The following CSMD1 variants were observed in gnomAD, a reference collection of about 807,000 sequenced individuals.
CSMD1 encodes the protein CUB and sushi domain-containing protein 1.
A neutral mutation model predicts 417.5 loss-of-function variants in CSMD1; 213 were observed. The ratio of observed to expected loss-of-function variants is 0.51; its 90% CI spans 0.46 to 0.57. The LOEUF (loss-of-function observed/expected upper bound fraction) is 0.57. Ranked by LOEUF, CSMD1 falls within the 20% of genes least tolerant of loss-of-function variation. The probability of loss-of-function intolerance (pLI) is 0.00; values close to 1 mark genes in which losing one functional copy is unlikely to be tolerated. For missense variants in CSMD1, 6,923 were observed against 4,529.7 expected (o/e 1.53, Z -15.17); for synonymous variants, 2,862 against 1,736.8 (o/e 1.65, Z -16.11).
chr8:4,831,197 C>T (rs551473404), intron 1 of CSMD1, among the ~76,000 whole-genome samples: 1 of 152,246 alleles, frequency 6.6e-6, no homozygotes, highest in East Asian at 1.9e-4. Context: ...CAACTATTGG[C>T]AGATGTCCTT....
chr8:3,523,234 A>G (rs1456817475), intron 10 of CSMD1, among the ~76,000 whole-genome samples: 1 of 152,236 alleles, frequency 6.6e-6, no homozygotes, highest in Non-Finnish European at 1.5e-5. Flanking sequence ...GATCATAGTA[A>G]GACCTAAAGC....
chr8:3,811,852 T>G (rs1168500771), intron 5 of CSMD1, among the ~76,000 whole-genome samples: 1 of 152,190 alleles, frequency 6.6e-6, no homozygotes, highest in Non-Finnish European at 1.5e-5. Flanking sequence ...CAACACATTT[T>G]TGTCTTACTT....
intron 9 of CSMD1, among the ~76,000 whole-genome samples, chr8:3,575,424 G>A (rs951460820): frequency 3.9e-5 from 6 of 152,146 alleles, no homozygotes; most frequent in African/African-American, 1.4e-4. Context: ...GTTGTTCAGA[G>A]AGTCTCCATA....
intron 10 of CSMD1, among the ~76,000 whole-genome samples, chr8:3,503,758 C>G (rs905389389): frequency 6.6e-6 from 1 of 152,144 alleles, no homozygotes; most frequent in Non-Finnish European, 1.5e-5. Flanking sequence ...CTGTCTCAGC[C>G]CACCTGTGGT....
At chr8:4,622,954 A>T (rs187206852) in intron 2 of CSMD1, among the ~76,000 whole-genome samples, 242 of 152,324 alleles carry the variant, frequency 1.6e-3, no homozygotes, top group Admixed American at 2.6e-3. Flanking sequence ...AGTTAAATTC[A>T]AAGTTTTTTA....
At chr8:3,237,377 G>A (rs903771062) in intron 26 of CSMD1, among the ~76,000 whole-genome samples, 3 of 151,622 alleles carry the variant, frequency 2.0e-5, no homozygotes, top group Admixed American at 2.0e-4. Context: ...TGAGGCAGGA[G>A]ACTCAGGAGG....
rs117406652 is a variant in CSMD1 at position 4,415,381 on chromosome 8, T to C, written c.415+4572A>G. Among the ~76,000 whole-genome samples the C allele has an allele frequency of 5.8e-3, 886 of 152,298 alleles. 33 individuals carry two copies. In the East Asian group the frequency reaches 0.092, roughly 16 times the overall value. ...AGATCCTTCTGTTGTCTCTCTTCCT[T>C]GAGACCTTCTATTCCGGGTTTGACA... On this transcript the variant is annotated intron_variant, in intron 3 of 69. Coordinates refer to ENST00000635120, the MANE Select transcript of CSMD1 (RefSeq NM_033225.6).
intron 31 of CSMD1, among the ~76,000 whole-genome samples, chr8:3,202,546 G>T (rs1045447091): frequency 3.9e-5 from 6 of 152,124 alleles, no homozygotes; most frequent in African/African-American, 9.7e-5. Flanking sequence ...CTTTATATTT[G>T]CAGGAAAACC....
At chr8:4,606,413 C>T (rs1800870771) in intron 2 of CSMD1, among the ~76,000 whole-genome samples, 1 of 152,026 alleles carries the variant, frequency 6.6e-6, no homozygotes. Context: ...TTGTTCCTGG[C>T]TCCCTGGGCT....
intron 4 of CSMD1, among the ~76,000 whole-genome samples, chr8:4,005,892 A>T (rs1329798355): frequency 6.6e-6 from 1 of 152,196 alleles, no homozygotes; most frequent in Non-Finnish European, 1.5e-5. Flanking sequence ...TGCCAAAATC[A>T]CTGGGAATTG....
chr8:3,765,400 C>G (rs1429124077), intron 5 of CSMD1, among the ~76,000 whole-genome samples: 3 of 152,154 alleles, frequency 2.0e-5, no homozygotes, highest in African/African-American at 4.8e-5. Flanking sequence ...CCTACCTTTA[C>G]AGCATTTGTT....
chr8:3,916,845 G>C (rs182255991), intron 5 of CSMD1, among the ~76,000 whole-genome samples: 3 of 152,190 alleles, frequency 2.0e-5, no homozygotes, highest in South Asian at 2.1e-4. Flanking sequence ...CTGCAGGTTA[G>C]AGAGATAAGG....
intron 5 of CSMD1, among the ~76,000 whole-genome samples, chr8:3,981,139 A>T (rs1813830246): frequency 6.6e-6 from 1 of 152,210 alleles, no homozygotes; most frequent in Non-Finnish European, 1.5e-5. Flanking sequence ...CAGATGGAAA[A>T]CAGTGATAGT....
intron 5 of CSMD1, among the ~76,000 whole-genome samples, chr8:3,824,116 T>C (rs1801905703): frequency 6.6e-6 from 1 of 152,192 alleles, no homozygotes; most frequent in African/African-American, 2.4e-5. Flanking sequence ...CCTCATGCTA[T>C]GTCGGAAGAA....
intron 41 of CSMD1, among the ~76,000 whole-genome samples, chr8:3,122,348 A>T (rs566646309): frequency 6.6e-6 from 1 of 152,224 alleles, no homozygotes; most frequent in African/African-American, 2.4e-5. Flanking sequence ...ATACCATGGA[A>T]CTACTGCGTT....
At chr8:3,967,208 G>A (rs953969159) in intron 5 of CSMD1, among the ~76,000 whole-genome samples, 19 of 151,650 alleles carry the variant, frequency 1.3e-4, no homozygotes, top group Admixed American at 4.6e-4. Context: ...CTACTGCTTT[G>A]CTCTTCCCCA....
At chr8:4,589,617 T>A (rs146182837) in intron 2 of CSMD1, among the ~76,000 whole-genome samples, 3 of 152,198 alleles carry the variant, frequency 2.0e-5, no homozygotes, top group Non-Finnish European at 4.4e-5. Context: ...ACTCAAAAAG[T>A]GTTCATTCTA....
At chr8:4,854,631 T>G (rs925395325) in intron 1 of CSMD1, among the ~76,000 whole-genome samples, 3 of 152,086 alleles carry the variant, frequency 2.0e-5, no homozygotes, top group Admixed American at 6.5e-5. Context: ...GTTCCCTTTC[T>G]GAGTCAAAGA....
intron 3 of CSMD1, among the ~76,000 whole-genome samples, chr8:4,295,734 GTGTATA>G (rs1399265411): frequency 1.8e-5 from 2 of 111,528 alleles, no homozygotes; most frequent in Non-Finnish European, 3.6e-5. Context: ...ATCTGTGTGT[GTGTATA>G]TGTGTGTGTG....
Sources: allele counts gnomAD v4.1 joint callset (sites outside exome capture counted in the v4.1 genomes callset), GRCh38; gene constraint gnomAD v4.1.1; transcripts MANE v1.5; gene names NCBI Gene and HGNC (gene_info 2026-07-23, HGNC 2026-07-21).